Variants in NRXN3 observed in about 807,000 individuals in gnomAD.
The protein encoded by NRXN3 is neurexin 3, also known as neurexin III.
In NRXN3, 32 loss-of-function variants were observed where a neutral mutation model predicts 137.6. That is an observed-to-expected ratio of 0.23 (90% CI 0.18 to 0.31). NRXN3 has a LOEUF of 0.31. NRXN3 is among the 10% of genes least tolerant of loss of function. The pLI, the probability that NRXN3 is intolerant of heterozygous loss-of-function variation, is 1.00. For synonymous variants in NRXN3, 798 were observed against 784.5 expected, an observed-to-expected ratio of 1.02 and a Z score of -0.29; for missense variants, 1,574 against 2,062.5, an observed-to-expected ratio of 0.76 and a Z score of 4.59.
At chr14:78,702,977 G>A (rs540334227) in intron 6 of NRXN3, among the ~76,000 whole-genome samples, 2 of 152,262 alleles carry the variant, frequency 1.3e-5, no homozygotes, top group East Asian at 3.9e-4. Context: ...GCTGAGACAA[G>A]TTAAATATCG....
intron 16 of NRXN3, among the ~76,000 whole-genome samples, chr14:79,595,863 A>G (rs1316476854): frequency 1.3e-5 from 2 of 152,186 alleles, no homozygotes; most frequent in African/African-American, 4.8e-5. Context: ...TCTCTTGGAC[A>G]GTGCTGAGCT....
chr14:78,804,348 C>T (rs2098848402), intron 9 of NRXN3, among the ~76,000 whole-genome samples: 1 of 152,176 alleles, frequency 6.6e-6, no homozygotes, highest in Non-Finnish European at 1.5e-5. Context: ...CTGATATCTC[C>T]TTTGACTTTC....
chr14:78,333,989 A>G (rs2081155963), intron 4 of NRXN3, among the ~76,000 whole-genome samples: 1 of 152,124 alleles, frequency 6.6e-6, no homozygotes, highest in South Asian at 2.1e-4. Context: ...AGGTAGAGCC[A>G]GCAGTATTTG....
At chr14:78,747,146 G>C (rs1170046670) in intron 8 of NRXN3, among the ~76,000 whole-genome samples, 1 of 152,048 alleles carries the variant, frequency 6.6e-6, no homozygotes, top group Non-Finnish European at 1.5e-5. Flanking sequence ...AGGGTTGAAA[G>C]TCTGGTGTTT....
intron 4 of NRXN3, among the ~76,000 whole-genome samples, chr14:78,454,860 G>T (rs1567638552): frequency 6.6e-6 from 1 of 152,290 alleles, no homozygotes; most frequent in South Asian, 2.1e-4. Context: ...TCTATGGGTG[G>T]TGAGGGGTAA....
intron 16 of NRXN3, among the ~76,000 whole-genome samples, chr14:79,490,652 T>G (rs1601100047): frequency 1.6e-5 from 2 of 128,818 alleles, no homozygotes; most frequent in Non-Finnish European, 1.6e-5. Flanking sequence ...AATAGAAGGA[T>G]GGTTACCAGA....
chr14:79,855,696 G>A (rs1304739268), intron 20 of NRXN3, among the ~76,000 whole-genome samples: 1 of 152,120 alleles, frequency 6.6e-6, no homozygotes, highest in Non-Finnish European at 1.5e-5. Flanking sequence ...TTAGAAGAAA[G>A]TGATTATGTA....
chr14:79,837,275 C>T (rs777707269), intron 20 of NRXN3, among the ~76,000 whole-genome samples: 10 of 130,838 alleles, frequency 7.6e-5, no homozygotes, highest in African/African-American at 2.3e-4. Flanking sequence ...TTGGCCATAG[C>T]GCTTACCTTA....
intron 8 of NRXN3, among the ~76,000 whole-genome samples, chr14:78,733,849 A>G (rs1188228101): frequency 1.3e-5 from 2 of 152,198 alleles, no homozygotes; most frequent in East Asian, 3.9e-4. Context: ...TATGATAAGA[A>G]GAAGGGGTAC....
rs1250923385 is a variant in NRXN3, at chr14:79,365,750, AAAAG to A, written c.3263-101468_3263-101465del. On this transcript the variant is annotated intron_variant, in intron 15 of 20. Coordinates refer to ENST00000335750, the MANE Select transcript of NRXN3 (RefSeq NM_001330195.2). Reference sequence around the variant, plus strand: ...CAAAAAAAAAAAAAAAAAAAGAAAAAAAAGAAGAGTTTTATTAAACCATCTCGAA... The same window carrying A: ...CAAAAAAAAAAAAAAAAAAAGAAAAAAAGAGTTTTATTAAACCATCTCGAA... 2.7e-5 allele frequency among the ~76,000 whole-genome samples: 4 copies of A among 149,080 alleles called. No individual in the cohort carries two copies. In the East Asian group the frequency reaches 7.8e-4, roughly 29 times the overall value.
intron 4 of NRXN3, among the ~76,000 whole-genome samples, chr14:78,528,603 T>A (rs1396816598): frequency 1.3e-5 from 2 of 152,066 alleles, no homozygotes; most frequent in Non-Finnish European, 2.9e-5. Context: ...AGATTGAGAT[T>A]TTGATAGATT....
In NRXN3 at chr14:79,861,076, T is replaced by C. The variant is rs1189524213; in HGVS notation, c.4094-266T>C. On this transcript the variant is annotated intron_variant, in intron 20 of 20. Transcript: ENST00000335750. The surrounding 1 kb of genome is among the most constrained non-coding windows in gnomAD (Gnocchi z 5.4). ...TTATCCCTCTTCTTGTAGAAGACCC[T>C]TTAGCTACCCCTCCTATTGCTACTC... is the stretch of plus-strand genomic sequence containing the variant. 13 of 1,431,272 alleles carry C rather than the reference T, an allele frequency of 9.1e-6. No homozygotes were observed. In the South Asian group the frequency reaches 1.5e-4, roughly 17 times the overall value. 88.7% of individuals were successfully genotyped at this position (1,431,272 alleles called of 1,614,324 possible).
intron 15 of NRXN3, among the ~76,000 whole-genome samples, chr14:79,072,972 C>T (rs1428960345): frequency 6.6e-6 from 1 of 151,554 alleles, no homozygotes; most frequent in Non-Finnish European, 1.5e-5. Context: ...TGCAACCTCC[C>T]CCTCCCAGGG....
chr14:79,218,913 T>C (rs1267465432), intron 15 of NRXN3, among the ~76,000 whole-genome samples: 1 of 151,994 alleles, frequency 6.6e-6, no homozygotes, highest in East Asian at 2.0e-4. Flanking sequence ...TAATTTTATA[T>C]ATAAAGGGGT....
At position 78,645,413 on chromosome 14, in the gene NRXN3, C is replaced by A; in HGVS notation, c.1051C>A (p.Leu351Ile). 1 of 1,583,654 alleles carries A rather than the reference C, an allele frequency of 6.3e-7. No homozygotes were observed. ...GCATGATGTCAAAGTGACACGCAAC[C>A]TCCGGCAGGTAATGGCTGAGGGGAG... ...AWHDVKVTRN[L>I]RQVTISVDGI... Residue 351 changes from leucine to isoleucine, a missense_variant, in exon 5 of 21, where the codon CTC becomes ATC. Physicochemically the swap from Leu to Ile is conservative, Grantham distance 5. Around this residue, in one of 5 missense-constraint regions of NRXN3, gnomAD observed 400 missense variants for 527.3 expected, o/e 0.76. Transcript: ENST00000335750.
At chr14:78,618,636 A>G (rs557982138) in intron 4 of NRXN3, among the ~76,000 whole-genome samples, 53 of 152,332 alleles carry the variant, frequency 3.5e-4, no homozygotes, top group African/African-American at 1.2e-3. Context: ...TCCCAGGAGA[A>G]CAAACCTTAG....
chr14:79,429,300 G>C (rs2095707873), intron 15 of NRXN3, among the ~76,000 whole-genome samples: 1 of 152,148 alleles, frequency 6.6e-6, no homozygotes, highest in Non-Finnish European at 1.5e-5. Flanking sequence ...TTCAACCATA[G>C]GGCTCCGTTG....
chr14:78,926,228 A>C (rs1256351782), intron 10 of NRXN3, among the ~76,000 whole-genome samples: 1 of 152,106 alleles, frequency 6.6e-6, no homozygotes, highest in African/African-American at 2.4e-5. Flanking sequence ...TTTTTCCTAC[A>C]TATACCTATG....
intron 4 of NRXN3, among the ~76,000 whole-genome samples, chr14:78,425,735 C>A (rs1036967744): frequency 6.6e-6 from 1 of 152,196 alleles, no homozygotes. Flanking sequence ...CCCCCACCCA[C>A]TCTTGGCTCC....
Sources: gnomAD v4.1 joint callset for allele counts (sites outside exome capture counted in the v4.1 genomes callset) on GRCh38, gnomAD v4.1.1 for gene constraint, gnomAD v4.1.1 regional missense constraint, Gnocchi (gnomAD v3.1) non-coding constraint, MANE v1.5 for transcripts, NCBI Gene and HGNC (gene_info 2026-07-23, HGNC 2026-07-21) for gene names.